Variants in SPRED2 observed in about 807,000 individuals in gnomAD.
SPRED2 encodes the protein sprouty-related, EVH1 domain-containing protein 2.
A neutral mutation model predicts 43.0 loss-of-function variants in SPRED2; 47 were observed. The ratio of observed to expected loss-of-function variants is 1.09; its 90% CI spans 0.87 to 1.40. The LOEUF (loss-of-function observed/expected upper bound fraction) is 1.40. Among genes scored for constraint, SPRED2 ranks in the 40% most tolerant of loss-of-function variants. The pLI is 0.00. For missense variants in SPRED2, 561 were observed against 586.4 expected (o/e 0.96, Z 0.45); for synonymous variants, 225 against 225.7 (o/e 1.00, Z 0.03).
intron 1 of SPRED2, among the ~76,000 whole-genome samples, chr2:65,371,127 A>G (rs1675116188): frequency 6.6e-6 from 1 of 152,222 alleles, no homozygotes; most frequent in Non-Finnish European, 1.5e-5. Flanking sequence ...CAACCCAGAA[A>G]AATGAAGAAC....
intron 1 of SPRED2, among the ~76,000 whole-genome samples, chr2:65,397,114 A>G (rs574518384): frequency 5.3e-5 from 8 of 152,362 alleles, no homozygotes; most frequent in Admixed American, 3.9e-4. Flanking sequence ...AGGGAAAAGG[A>G]AAAAGATTTG....
intron 1 of SPRED2, among the ~76,000 whole-genome samples, chr2:65,376,482 ATTGAT>A (rs1464001518): frequency 6.6e-6 from 1 of 152,166 alleles, no homozygotes; most frequent in African/African-American, 2.4e-5. Flanking sequence ...TAGGTATCAT[ATTGAT>A]TTGATTCATA....
At chr2:65,403,571 T>A (rs1350776841) in intron 1 of SPRED2, among the ~76,000 whole-genome samples, 1 of 152,024 alleles carries the variant, frequency 6.6e-6, no homozygotes, top group Non-Finnish European at 1.5e-5. Context: ...CCATCTGGGA[T>A]AGACATTTTT....
intron 1 of SPRED2, among the ~76,000 whole-genome samples, chr2:65,369,073 T>G (rs1271213942): frequency 7.6e-6 from 1 of 131,384 alleles, no homozygotes; most frequent in Non-Finnish European, 1.7e-5. Context: ...AAAGACCATG[T>G]CTCAAAAAAA....
At chr2:65,357,863 G>C (rs1206983105) in intron 1 of SPRED2, among the ~76,000 whole-genome samples, 1 of 152,154 alleles carries the variant, frequency 6.6e-6, no homozygotes, top group Admixed American at 6.5e-5. Flanking sequence ...TCACAACCGG[G>C]TGAGGCACCC....
chr2:65,320,934 T>A (rs961368966), intron 4 of SPRED2, among the ~76,000 whole-genome samples: 6 of 152,138 alleles, frequency 3.9e-5, no homozygotes, highest in African/African-American at 1.4e-4. Flanking sequence ...CAAGCAAGAT[T>A]CTTAAACATC....
At chr2:65,356,340 G>C (rs1674645277) in intron 1 of SPRED2, among the ~76,000 whole-genome samples, 1 of 152,144 alleles carries the variant, frequency 6.6e-6, no homozygotes, top group Non-Finnish European at 1.5e-5. Context: ...TAGGCATATG[G>C]ATGTTGAGCA....
At chr2:65,326,241 G>T (rs73936452) in intron 4 of SPRED2, among the ~76,000 whole-genome samples, 1 of 151,740 alleles carries the variant, frequency 6.6e-6, no homozygotes, top group Non-Finnish European at 1.5e-5. Context: ...TATAATATTC[G>T]TTCCTTTCTT....
At chr2:65,327,211 C>A (rs1673649164) in intron 4 of SPRED2, among the ~76,000 whole-genome samples, 1 of 152,074 alleles carries the variant, frequency 6.6e-6, no homozygotes. Context: ...CTCTGATAAA[C>A]CCACAGTTTA....
Position 65,313,878 on chromosome 2 carries a change from G to A in SPRED2, c.880C>T (p.Arg294Trp). The A allele has an allele frequency of 1.2e-6, 2 of 1,610,376 alleles. No individual in the cohort carries two copies. The highest frequency in any genetic ancestry group is 1.7e-6 in the Non-Finnish European group (2 of 1,179,816). The change falls in exon 6 of 6, where the codon CGG (arginine) becomes TGG (tryptophan). Residue 294 changes from arginine (R) to tryptophan (W), a missense_variant. By Grantham distance (101) the Arg-to-Trp change is moderately radical. This residue lies in a region of SPRED2 where 164 missense variants were observed against 164.1 expected (regional missense o/e 1.00). Transcript: ENST00000356388. ...GGSVIKTQPS[R>W]GKSRRRKEDG... ...TCCTTCCGCCGCCGCGACTTGCCCC[G>A]GGAGGGCTGCGTCTTGATCACGCTG...
chr2:65,408,311 C>T (rs1676072208), intron 1 of SPRED2, among the ~76,000 whole-genome samples: 1 of 152,172 alleles, frequency 6.6e-6, no homozygotes, highest in Non-Finnish European at 1.5e-5. Flanking sequence ...TACTATGAGT[C>T]CTATTTGACA....
At chr2:65,400,879 G>A (rs1675869373) in intron 1 of SPRED2, among the ~76,000 whole-genome samples, 2 of 152,110 alleles carry the variant, frequency 1.3e-5, no homozygotes, top group South Asian at 2.1e-4. Flanking sequence ...AAATTCACAC[G>A]CTGGCCTTCC....
chr2:65,366,702 C>T lies in SPRED2; in HGVS notation c.27-21806G>A. The T allele has an allele frequency of 2.0e-6, 3 of 1,527,816 alleles. No individual in the cohort carries two copies. The Admixed American group carries it at 6.6e-5, about 34-fold the overall frequency. The allele number at this position is 1,527,816 out of a possible 1,614,324, so 94.6% of individuals were successfully genotyped here. On this transcript the variant is annotated intron_variant, in intron 1 of 5. Transcript: ENST00000356388. ...GGATCGTCTCTTGCTGACCTGAGAACCAGCTGGCTGCCTGAGAAGTGGTTT... is the reference window on the plus strand; with the variant it reads ...GGATCGTCTCTTGCTGACCTGAGAATCAGCTGGCTGCCTGAGAAGTGGTTT...
intron 4 of SPRED2, among the ~76,000 whole-genome samples, chr2:65,321,462 A>C (rs371560708): frequency 6.8e-6 from 1 of 148,142 alleles, no homozygotes; most frequent in Non-Finnish European, 1.5e-5. Context: ...GCTTGAAGTC[A>C]AGAGTTCGAG....
intron 2 of SPRED2, among the ~76,000 whole-genome samples, chr2:65,335,035 G>T (rs1673923227): frequency 6.6e-6 from 1 of 152,176 alleles, no homozygotes; most frequent in Non-Finnish European, 1.5e-5. Flanking sequence ...CCTCCTGGCT[G>T]CAGGGCACTA....
intron 4 of SPRED2, among the ~76,000 whole-genome samples, chr2:65,324,584 T>C (rs1326344310): frequency 6.6e-6 from 1 of 152,148 alleles, no homozygotes; most frequent in Non-Finnish European, 1.5e-5. Flanking sequence ...CCCTCTCTTA[T>C]GGAGGGACCT....
At chr2:65,395,536 A>G (rs1471576460) in intron 1 of SPRED2, among the ~76,000 whole-genome samples, 2 of 152,038 alleles carry the variant, frequency 1.3e-5, no homozygotes, top group South Asian at 4.1e-4. Context: ...CCTGTCTCTC[A>G]TGGCTTCCTG....
intron 1 of SPRED2, among the ~76,000 whole-genome samples, chr2:65,398,550 G>A (rs1052237228): frequency 6.6e-6 from 1 of 151,904 alleles, no homozygotes; most frequent in Non-Finnish European, 1.5e-5. Flanking sequence ...ATCAAAAAGT[G>A]GGCTAAGGAC....
In SPRED2 at chr2:65,310,988, G is replaced by T. The variant is rs1183569867; in HGVS notation, c.*2513C>A. The T allele has an allele frequency of 1.1e-5, 11 of 983,290 alleles. No individual in the cohort carries two copies. Among genetic ancestry groups the T allele is most frequent in the Non-Finnish European group, 1.2e-6 (1 of 827,838 alleles). 60.9% of individuals were successfully genotyped at this position (983,290 alleles called of 1,614,324 possible). A position where few individuals can be genotyped will look rare whatever the true frequency, so the allele number is the denominator to read the frequency against. ...TTGTATATATATTTTTTACACAGAG[G>T]TAAAAAGGCTTATTATAAAAAAATC... On this transcript the variant is annotated 3_prime_UTR_variant, in exon 6 of 6. Coordinates refer to ENST00000356388, the MANE Select transcript of SPRED2 (RefSeq NM_181784.3).
Sources: allele counts gnomAD v4.1 joint callset (sites outside exome capture counted in the v4.1 genomes callset), GRCh38; gene constraint gnomAD v4.1.1; regional missense constraint gnomAD v4.1.1; transcripts MANE v1.5; gene names NCBI Gene and HGNC (gene_info 2026-07-23, HGNC 2026-07-21).